The following ST3GAL3 variants were observed in gnomAD, a reference collection of about 807,000 sequenced individuals.
ST3GAL3 encodes the protein CMP-N-acetylneuraminate-beta-1,4-galactoside alpha-2,3-sialyltransferase.
ST3GAL3 carries 21 observed loss-of-function variants against 50.1 expected under a neutral mutation model. The ratio of observed to expected loss-of-function variants is 0.42; its 90% CI spans 0.30 to 0.60. The LOEUF (loss-of-function observed/expected upper bound fraction) is 0.60. Ranked by LOEUF, ST3GAL3 falls within the 20% of genes least tolerant of loss-of-function variation. The probability of loss-of-function intolerance (pLI) is 0.19; values close to 1 mark genes in which losing one functional copy is unlikely to be tolerated. For missense variants in ST3GAL3, 353 were observed against 489.4 expected (o/e 0.72, Z 2.63); for synonymous variants, 183 against 190.0 (o/e 0.96, Z 0.30).
chr1:43,755,772 A>G (rs531497830), intron 2 of ST3GAL3, among the ~76,000 whole-genome samples: 2 of 152,204 alleles, frequency 1.3e-5, no homozygotes, highest in African/African-American at 2.4e-5. Context: ...TTAAGGATAC[A>G]AGAAGCATGA....
intron 4 of ST3GAL3, among the ~76,000 whole-genome samples, chr1:43,817,557 C>T (rs1232996105): frequency 7.7e-5 from 5 of 64,972 alleles, no homozygotes; most frequent in Non-Finnish European, 1.2e-4. Context: ...TTCTTCTTCT[C>T]CTTCTTCCTT....
In ST3GAL3 at chr1:43,854,546, G is replaced by A. The variant is rs987527122; in HGVS notation, c.302+16235G>A. Among the ~76,000 whole-genome samples, 11 of 152,052 alleles carry A rather than the reference G, an allele frequency of 7.2e-5. No individual in the cohort carries two copies. In the East Asian group the frequency reaches 1.9e-3, roughly 27 times the overall value. On this transcript the variant is annotated intron_variant, in intron 5 of 11. Coordinates refer to ENST00000347631, the MANE Select transcript of ST3GAL3 (RefSeq NM_006279.5). ...TAAATGTTGATGTTTGCCTGGTTTC[G>A]GTTATAGCTCTCCTCTCTTCTCACT...
intron 4 of ST3GAL3, among the ~76,000 whole-genome samples, chr1:43,835,720 A>C (rs978799643): frequency 1.3e-5 from 2 of 152,166 alleles, no homozygotes; most frequent in African/African-American, 2.4e-5. Flanking sequence ...TCTGCACTGC[A>C]CTGTGTTAAG....
chr1:43,813,327 G>T (rs2060788668), intron 3 of ST3GAL3, among the ~76,000 whole-genome samples: 1 of 152,208 alleles, frequency 6.6e-6, no homozygotes, highest in Admixed American at 6.5e-5. Context: ...AGATAGGATT[G>T]TTGAGAGGGC....
chr1:43,724,509 T>C (rs1170435719), intron 1 of ST3GAL3, among the ~76,000 whole-genome samples: 1 of 152,042 alleles, frequency 6.6e-6, no homozygotes, highest in African/African-American at 2.4e-5. Context: ...TATTTTATTT[T>C]TAAACAAACT....
chr1:43,887,264 A>C (rs2076118521), intron 5 of ST3GAL3, among the ~76,000 whole-genome samples: 2 of 152,214 alleles, frequency 1.3e-5, no homozygotes, highest in South Asian at 4.1e-4. Flanking sequence ...TAAAAGGTAC[A>C]ACAGTGTAAG....
intron 4 of ST3GAL3, among the ~76,000 whole-genome samples, chr1:43,822,064 A>G (rs1558459599): frequency 6.6e-6 from 1 of 152,214 alleles, no homozygotes; most frequent in Non-Finnish European, 1.5e-5. Context: ...GCAAGTTGCA[A>G]TGGGACAGTC....
At chr1:43,846,497 T>G (rs2066275937) in intron 5 of ST3GAL3, among the ~76,000 whole-genome samples, 1 of 152,214 alleles carries the variant, frequency 6.6e-6, no homozygotes, top group Admixed American at 6.5e-5. Flanking sequence ...TTGGGGTTTT[T>G]GCAATTACTT....
intron 5 of ST3GAL3, among the ~76,000 whole-genome samples, chr1:43,875,941 CTTCTTCTTCTTA>C (rs1323120425): frequency 0.018 from 826 of 45,590 alleles, 3 homozygotes; most frequent in Admixed American, 0.02. Flanking sequence ...TCTTCTTCTT[CTTCTTCTTCTTA>C]TTATTATTAT....
At chr1:43,917,316 T>C (rs2081972123) in intron 9 of ST3GAL3, among the ~76,000 whole-genome samples, 1 of 149,312 alleles carries the variant, frequency 6.7e-6, no homozygotes, top group South Asian at 2.1e-4. Flanking sequence ...CTTTTGTTTA[T>C]GTGCTTTACC....
At chr1:43,905,138 C>T (rs1279114231) in intron 9 of ST3GAL3, among the ~76,000 whole-genome samples, 26 of 138,316 alleles carry the variant, frequency 1.9e-4, no homozygotes, top group African/African-American at 6.4e-4. Flanking sequence ...TCCTCCTCCT[C>T]CTGCTCCTCT....
chr1:43,768,081 G>C (rs557412822), intron 2 of ST3GAL3, among the ~76,000 whole-genome samples: 2 of 152,232 alleles, frequency 1.3e-5, no homozygotes, highest in African/African-American at 4.8e-5. Context: ...TCAAAAATTT[G>C]TTCTTTCAAA....
At chr1:43,806,799 C>T (rs921220970) in intron 3 of ST3GAL3, among the ~76,000 whole-genome samples, 5 of 152,178 alleles carry the variant, frequency 3.3e-5, no homozygotes, top group African/African-American at 1.2e-4. Flanking sequence ...AGGTGATCCT[C>T]CCACCTCAGC....
At chr1:43,818,916 G>A (rs2154181930) in intron 4 of ST3GAL3, among the ~76,000 whole-genome samples, 1 of 152,264 alleles carries the variant, frequency 6.6e-6, no homozygotes, top group South Asian at 2.1e-4. Context: ...AAAGGGGTTG[G>A]CGAACTCTTT....
At chr1:43,783,702 C>T (rs1157554667) in intron 2 of ST3GAL3, among the ~76,000 whole-genome samples, 1 of 152,100 alleles carries the variant, frequency 6.6e-6, no homozygotes, top group Non-Finnish European at 1.5e-5. Context: ...GAGTCGTACA[C>T]ACAGGGGTTT....
At chr1:43,776,808 G>A (rs1480013977) in intron 2 of ST3GAL3, among the ~76,000 whole-genome samples, 1 of 152,172 alleles carries the variant, frequency 6.6e-6, no homozygotes, top group African/African-American at 2.4e-5. Flanking sequence ...TGAAAGCTAT[G>A]TGTCCTCTCT....
intron 3 of ST3GAL3, among the ~76,000 whole-genome samples, chr1:43,799,175 A>G (rs1157688123): frequency 6.6e-6 from 1 of 152,228 alleles, no homozygotes; most frequent in African/African-American, 2.4e-5. Context: ...TATTTGTAGC[A>G]GTTAGCCCTA....
At position 43,737,606 on chromosome 1, in the gene ST3GAL3, T is replaced by G. The variant is rs1431445833; in HGVS notation, c.118+1226T>G. 2.0e-5 allele frequency: 3 copies of G among 152,254 alleles called. No homozygotes were observed. Among genetic ancestry groups the G allele is most frequent in the Admixed American group, 2.0e-4 (3 of 15,286 alleles). 9.4% of individuals were successfully genotyped at this position (152,254 alleles called of 1,614,324 possible). A position where few individuals can be genotyped will look rare whatever the true frequency, so the allele number is the denominator to read the frequency against. ...AAATTTCTCTGCACTGACTTATTTT[T>G]AAAACCAAGGAGACTACCCAGGATA... On this transcript the variant is annotated intron_variant, in intron 2 of 11. Coordinates refer to ENST00000347631, the MANE Select transcript of ST3GAL3 (RefSeq NM_006279.5). The surrounding 1 kb of genome is among the most constrained non-coding windows in gnomAD (Gnocchi z 4.0).
intron 9 of ST3GAL3, among the ~76,000 whole-genome samples, chr1:43,918,267 G>A (rs534068751): frequency 2.0e-5 from 3 of 151,682 alleles, no homozygotes; most frequent in Admixed American, 6.6e-5. Flanking sequence ...ACAGGCACAC[G>A]CCACCATGCT....
Sources: allele counts gnomAD v4.1 joint callset (sites outside exome capture counted in the v4.1 genomes callset), GRCh38; gene constraint gnomAD v4.1.1; non-coding constraint Gnocchi (gnomAD v3.1); transcripts MANE v1.5; gene names NCBI Gene and HGNC (gene_info 2026-07-23, HGNC 2026-07-21).